Variants in TMEM182 observed in about 807,000 individuals in gnomAD.
The protein encoded by TMEM182 is transmembrane protein 182.
TMEM182 carries 20 observed loss-of-function variants against 26.8 expected under a neutral mutation model. The observed-to-expected ratio is 0.75, with a 90% CI of 0.53 to 1.09. TMEM182 has a LOEUF of 1.09. Ranked by LOEUF, TMEM182 falls within the 50% of genes least tolerant of loss-of-function variation. The probability of loss-of-function intolerance (pLI) is 0.00; values close to 1 mark genes in which losing one functional copy is unlikely to be tolerated. For missense variants in TMEM182, 277 were observed against 275.5 expected, an observed-to-expected ratio of 1.01 and a Z score of -0.04; for synonymous variants, 109 against 102.2, an observed-to-expected ratio of 1.07 and a Z score of -0.40.
At chr2:102,804,765 A>G (rs1472996570) in intron 4 of TMEM182, among the ~76,000 whole-genome samples, 1 of 152,182 alleles carries the variant, frequency 6.6e-6, no homozygotes, top group Non-Finnish European at 1.5e-5. Flanking sequence ...GTTAATATAA[A>G]CTATTTGTTA....
intron 4 of TMEM182, among the ~76,000 whole-genome samples, chr2:102,801,009 T>C (rs1266926425): frequency 1.3e-5 from 2 of 152,222 alleles, no homozygotes; most frequent in African/African-American, 4.8e-5. Context: ...TCTTTTTGTT[T>C]TTATTGTGAT....
rs747831592 is a variant in TMEM182, at chr2:102,815,666, G to A, written c.*698G>A. 2.6e-5 allele frequency: 26 copies of A among 984,386 alleles called. No individual in the cohort carries two copies. Among genetic ancestry groups the A allele is most frequent in the Non-Finnish European group, 3.1e-5 (26 of 829,018 alleles). 61.0% of individuals were successfully genotyped at this position (984,386 alleles called of 1,614,324 possible). On this transcript the variant is annotated 3_prime_UTR_variant, in exon 5 of 5. Transcript: ENST00000412401. ...CTAGCAAATCTGCATACCAAATTAT[G>A]TATAACGTAGATTGAATTTTTATGA... is the stretch of plus-strand genomic sequence containing the variant.
intron 2 of TMEM182, among the ~76,000 whole-genome samples, chr2:102,763,396 A>G (rs1488250282): frequency 6.6e-6 from 1 of 152,232 alleles, no homozygotes; most frequent in African/African-American, 2.4e-5. Flanking sequence ...GTATTCAACA[A>G]TGAAAGGGCT....
At chr2:102,773,355 G>T (rs13419148) in intron 3 of TMEM182, among the ~76,000 whole-genome samples, 108 of 152,066 alleles carry the variant, frequency 7.1e-4, no homozygotes, top group South Asian at 1.2e-3. Context: ...GGGGACTAAG[G>T]GGGTGGATAT....
chr2:102,836,438 T>TCTCATATTGGTATC (rs1683248691), intron 3 of TMEM182, among the ~76,000 whole-genome samples: 2 of 152,220 alleles, frequency 1.3e-5, no homozygotes, highest in South Asian at 4.1e-4. Flanking sequence ...GTAATACGTA[T>TCTCATATTGGTATC]ATAATGGTAT....
At chr2:102,765,737 G>C (rs921074768) in intron 3 of TMEM182, among the ~76,000 whole-genome samples, 3 of 152,196 alleles carry the variant, frequency 2.0e-5, no homozygotes, top group African/African-American at 7.2e-5. Flanking sequence ...GATAGGGAAA[G>C]AGGTGAGCTG....
Position 102,740,236 on chromosome 2 carries a change from G to A in TMEM182, c.-83+3223G>A, listed in dbSNP as rs935468151. ...ATATGTTTTGGCTTTGTGTTCCCACGCAAATCTCATCTTGAACTGCAGTTC... is the reference window on the plus strand; with the variant it reads ...ATATGTTTTGGCTTTGTGTTCCCACACAAATCTCATCTTGAACTGCAGTTC... On this transcript the variant is annotated intron_variant, in intron 1 of 5. Coordinates refer to the TMEM182 transcript ENST00000409173. 3.9e-5 allele frequency among the ~76,000 whole-genome samples: 6 copies of A among 152,136 alleles called. No homozygotes were observed. In the East Asian group the frequency reaches 1.2e-3, roughly 29 times the overall value.
chr2:102,748,070 G>C (rs958892529), intron 1 of TMEM182, among the ~76,000 whole-genome samples: 2 of 152,094 alleles, frequency 1.3e-5, no homozygotes, highest in Non-Finnish European at 2.9e-5. Context: ...CGTAGCTCTC[G>C]TATCTTCAAG....
chr2:102,789,567 A>G (rs757810730), intron 3 of TMEM182, among the ~76,000 whole-genome samples: 1 of 152,184 alleles, frequency 6.6e-6, no homozygotes, highest in Non-Finnish European at 1.5e-5. Context: ...TGTCATCTCC[A>G]TCCCAGCTGC....
Position 102,817,667 on chromosome 2 carries a change from T to G in TMEM182, c.*2699T>G. ...AAGATTAAATGGAATTATAAAGGAA[T>G]ATATTGGAGGAAGTGTCAGTGTTGG... On this transcript the variant is annotated 3_prime_UTR_variant, in exon 5 of 5. Coordinates refer to ENST00000412401, the MANE Select transcript of TMEM182 (RefSeq NM_144632.5). 3.1e-6 allele frequency: 3 copies of G among 982,400 alleles called. No homozygotes were observed. Among genetic ancestry groups the G allele is most frequent in the Non-Finnish European group, 3.6e-6 (3 of 827,184 alleles). 60.9% of individuals were successfully genotyped at this position (982,400 alleles called of 1,614,324 possible).
At chr2:102,818,346 G>A (rs1439698371), downstream of TMEM182, among the ~76,000 whole-genome samples, 3 of 152,114 alleles carry the variant, frequency 2.0e-5, no homozygotes, top group African/African-American at 7.2e-5. Flanking sequence ...AGGAGGATGG[G>A]GATATAGTAT....
chr2:102,794,899 C>G lies in TMEM182; in HGVS notation c.332-2964C>G, dbSNP rs993255494. Among the ~76,000 whole-genome samples the G allele has an allele frequency of 2.0e-5, 3 of 152,132 alleles. No individual in the cohort carries two copies. In the South Asian group the frequency reaches 6.2e-4, roughly 32 times the overall value. ...AATATTTTTTCTTCACCAATATCTA[C>G]GGCCTCTGCTTTAGGACTCCAATGA... On this transcript the variant is annotated intron_variant, in intron 3 of 4. Transcript: ENST00000412401.
chr2:102,817,710 ATC>A, downstream of TMEM182: 1 of 983,898 alleles, frequency 1.0e-6, no homozygotes, highest in Non-Finnish European at 1.2e-6. Context: ...TCATCTATTT[ATC>A]TGTCTATCAT....
chr2:102,803,557 C>T (rs1393360110), intron 4 of TMEM182, among the ~76,000 whole-genome samples: 3 of 152,100 alleles, frequency 2.0e-5, no homozygotes, highest in Non-Finnish European at 2.9e-5. Flanking sequence ...ATCAGTAAAC[C>T]ACATTTATTT....
chr2:102,745,408 G>T (rs1183983365), intron 1 of TMEM182, among the ~76,000 whole-genome samples: 3 of 152,012 alleles, frequency 2.0e-5, no homozygotes, highest in Non-Finnish European at 4.4e-5. Flanking sequence ...CAACATAGGA[G>T]TCATATCTGG....
intron 3 of TMEM182, among the ~76,000 whole-genome samples, chr2:102,778,967 T>C (rs892171781): frequency 6.6e-6 from 1 of 152,144 alleles, no homozygotes; most frequent in African/African-American, 2.4e-5. Context: ...TTTTCTGTTA[T>C]TTTGCTTTTG....
chr2:102,742,778 A>T (rs1336987956), intron 1 of TMEM182, among the ~76,000 whole-genome samples: 1 of 152,204 alleles, frequency 6.6e-6, no homozygotes, highest in Non-Finnish European at 1.5e-5. Flanking sequence ...AAGTGTTAGT[A>T]GAAAAACTCC....
At chr2:102,788,452 A>G (rs1461886121) in intron 3 of TMEM182, among the ~76,000 whole-genome samples, 1 of 152,128 alleles carries the variant, frequency 6.6e-6, no homozygotes, top group Non-Finnish European at 1.5e-5. Context: ...CTTTGTACAC[A>G]GGACCTCAGT....
chr2:102,770,318 G>A (rs1406163852), intron 3 of TMEM182, among the ~76,000 whole-genome samples: 1 of 152,154 alleles, frequency 6.6e-6, no homozygotes, highest in Middle Eastern at 3.2e-3. Context: ...GGGCCCAGTA[G>A]CTCCGTCTTC....
Sources: gnomAD v4.1 joint callset for allele counts (sites outside exome capture counted in the v4.1 genomes callset) on GRCh38, gnomAD v4.1.1 for gene constraint, MANE v1.5 for transcripts, NCBI Gene and HGNC (gene_info 2026-07-23, HGNC 2026-07-21) for gene names.